TMCO1: variants seen among roughly 807,000 people sequenced by gnomAD.
TMCO1 encodes transmembrane and coiled-coil domains 1, also known as calcium load-activated calcium channel.
A neutral mutation model predicts 29.3 loss-of-function variants in TMCO1; 29 were observed. That is an observed-to-expected ratio of 0.99 (90% CI 0.74 to 1.35). The LOEUF (loss-of-function observed/expected upper bound fraction) is 1.35, where lower values mean the gene tolerates loss of function less well. Among genes scored for constraint, TMCO1 ranks in the 40% most tolerant of loss-of-function variants. TMCO1 has a pLI of 0.00. For missense variants in TMCO1, 173 were observed against 225.5 expected (o/e 0.77, Z 1.49); for synonymous variants, 80 against 77.1 (o/e 1.04, Z -0.20).
intron 2 of TMCO1, among the ~76,000 whole-genome samples, chr1:165,761,370 A>G (rs1285246688): frequency 6.6e-6 from 1 of 152,008 alleles, no homozygotes; most frequent in Admixed American, 6.6e-5. Context: ...CTCTGTCTCT[A>G]TAAAAAATTG....
At chr1:165,766,585 T>A (rs1652578217) in intron 2 of TMCO1, among the ~76,000 whole-genome samples, 1 of 151,952 alleles carries the variant, frequency 6.6e-6, no homozygotes, top group African/African-American at 2.4e-5. Flanking sequence ...CCCAGGAGTT[T>A]GAGATCAGCC....
Position 165,743,331 on chromosome 1 carries a change from AAAG to A in TMCO1, c.324-23_324-21del. ...TCAAATCTAAAAGAAAAAAAAAAAA[AAAG>A]AATTGTTATCTTTGGAAGACTGACA... On this transcript the variant is annotated intron_variant, in intron 5 of 6. Coordinates refer to ENST00000367881, the MANE Select transcript of TMCO1 (RefSeq NM_019026.6). The A allele has an allele frequency of 3.1e-6, 5 of 1,609,322 alleles. No individual in the cohort carries two copies. The highest frequency in any genetic ancestry group is 2.5e-6 in the Non-Finnish European group (3 of 1,178,490).
intron 5 of TMCO1, among the ~76,000 whole-genome samples, chr1:165,751,481 A>C (rs1651990894): frequency 6.6e-6 from 1 of 152,154 alleles, no homozygotes; most frequent in Non-Finnish European, 1.5e-5. Flanking sequence ...AGGCAGGTGA[A>C]TCACCTGAGG....
intron 5 of TMCO1, among the ~76,000 whole-genome samples, chr1:165,750,189 T>C (rs568248277): frequency 4.6e-5 from 7 of 152,274 alleles, no homozygotes; most frequent in Admixed American, 3.3e-4. Context: ...TAAGTATACA[T>C]TGGTATACAT....
chr1:165,754,389 A>T, intron 3 of TMCO1, 115 bp from the exon 4 acceptor site: 1 of 808,180 alleles, frequency 1.2e-6, no homozygotes, highest in Non-Finnish European at 2.1e-6. Flanking sequence ...ATCATTTAAT[A>T]AGATGATGAA....
chr1:165,757,034 T>C (rs918983931), intron 3 of TMCO1, among the ~76,000 whole-genome samples: 3 of 152,062 alleles, frequency 2.0e-5, no homozygotes, highest in Non-Finnish European at 4.4e-5. Flanking sequence ...AATGAGCAAG[T>C]CTCATTCCAG....
In TMCO1 at chr1:165,751,441, C is replaced by T. The variant is rs1359806077; in HGVS notation, c.323+661G>A. ...AATTCTGGCTGGGCGTGGTGGCTCA[C>T]GCCTGTAATCCCAGCACTTTGGGAG... On this transcript the variant is annotated intron_variant, in intron 5 of 6. Transcript: ENST00000367881. Among the ~76,000 whole-genome samples the T allele has an allele frequency of 4.6e-5, 7 of 151,934 alleles. No individual in the cohort carries two copies. The East Asian group carries it at 1.4e-3, about 29-fold the overall frequency.
chr1:165,742,107 G>A (rs143306915), intron 6 of TMCO1, among the ~76,000 whole-genome samples: 14 of 152,346 alleles, frequency 9.2e-5, no homozygotes, highest in Admixed American at 3.9e-4. Flanking sequence ...GAGAAAAAGA[G>A]AATCACTTGT....
intron 6 of TMCO1, among the ~76,000 whole-genome samples, chr1:165,735,581 C>G (rs977084403): frequency 4.0e-5 from 6 of 148,426 alleles, no homozygotes; most frequent in African/African-American, 1.5e-4. Context: ...GTGGCGCAGT[C>G]TCAGCTCACT....
Position 165,727,138 on chromosome 1 carries a change from A to G in TMCO1, c.*885T>C, listed in dbSNP as rs1414414129. The G allele has an allele frequency of 2.2e-6, 1 of 454,000 alleles. No homozygotes were observed. The highest frequency in any genetic ancestry group is 4.4e-6 in the Non-Finnish European group (1 of 226,794). The allele number at this position is 454,000 out of a possible 1,614,324, so 28.1% of individuals were successfully genotyped here. A position where few individuals can be genotyped will look rare whatever the true frequency, so the allele number is the denominator to read the frequency against. Reference sequence around the variant, plus strand: ...AGGGGCATGGCAGAAAATGAAGGCTATTGTGACTAAAAGGAAGCTCTGCGA... The same window carrying G: ...AGGGGCATGGCAGAAAATGAAGGCTGTTGTGACTAAAAGGAAGCTCTGCGA... On this transcript the variant is annotated 3_prime_UTR_variant, in exon 7 of 7. Coordinates refer to ENST00000367881, the MANE Select transcript of TMCO1 (RefSeq NM_019026.6).
chr1:165,766,198 G>A (rs1652559685), intron 2 of TMCO1, among the ~76,000 whole-genome samples: 1 of 152,204 alleles, frequency 6.6e-6, no homozygotes, highest in African/African-American at 2.4e-5. Flanking sequence ...CATTGACCAA[G>A]ATAAAGAAGG....
chr1:165,742,444 G>T (rs1013766929), intron 6 of TMCO1, among the ~76,000 whole-genome samples: 1 of 152,146 alleles, frequency 6.6e-6, no homozygotes, highest in African/African-American at 2.4e-5. Context: ...TAAATTTTTT[G>T]TAGAGATGGA....
intron 2 of TMCO1, among the ~76,000 whole-genome samples, chr1:165,766,322 T>A (rs528593829): frequency 6.6e-6 from 1 of 152,164 alleles, no homozygotes; most frequent in South Asian, 2.1e-4. Flanking sequence ...CGTGGATATA[T>A]GAATCTTGTA....
chr1:165,757,828 G>A (rs2101811831), intron 3 of TMCO1, among the ~76,000 whole-genome samples: 1 of 152,198 alleles, frequency 6.6e-6, no homozygotes, highest in African/African-American at 2.4e-5. Flanking sequence ...CTTCTGATGA[G>A]TTTTTCTGGG....
chr1:165,756,606 A>G (rs1165155728), intron 3 of TMCO1, among the ~76,000 whole-genome samples: 2 of 152,156 alleles, frequency 1.3e-5, no homozygotes, highest in Non-Finnish European at 2.9e-5. Context: ...AATTGGGAAC[A>G]TCAAATCTTC....
chr1:165,765,786 G>A (rs986864534), intron 2 of TMCO1, among the ~76,000 whole-genome samples: 16 of 152,206 alleles, frequency 1.1e-4, no homozygotes, highest in African/African-American at 3.4e-4. Context: ...GTGAAGCAGG[G>A]TAAGTGAGAA....
chr1:165,738,751 C>T (rs1275775759), intron 6 of TMCO1, among the ~76,000 whole-genome samples: 1 of 152,104 alleles, frequency 6.6e-6, no homozygotes, highest in African/African-American at 2.4e-5. Context: ...TTAAGTATTT[C>T]AGACTATTTT....
chr1:165,768,575 G>C (rs988823941), intron 1 of TMCO1, 107 bp downstream of exon 1: 5 of 1,590,680 alleles, frequency 3.1e-6, no homozygotes, highest in Non-Finnish European at 4.3e-6. Flanking sequence ...GAGTAGATGA[G>C]CCTCTCAAGC....
At chr1:165,733,604 C>CA (rs1043798568) in intron 6 of TMCO1, among the ~76,000 whole-genome samples, 107 of 146,224 alleles carry the variant, frequency 7.3e-4, no homozygotes, top group South Asian at 2.4e-3. Context: ...TCAAAAAAAA[C>CA]AAAAAAAAAG....
Sources: gnomAD v4.1 joint callset for allele counts (sites outside exome capture counted in the v4.1 genomes callset) on GRCh38, gnomAD v4.1.1 for gene constraint, MANE v1.5 for transcripts, NCBI Gene and HGNC (gene_info 2026-07-23, HGNC 2026-07-21) for gene names.